Variants in ANKS6 observed in about 807,000 individuals in gnomAD.
The protein encoded by ANKS6 is ankyrin repeat and sterile alpha motif domain containing 6, also known as ankyrin repeat and SAM domain-containing protein 6.
ANKS6 carries 47 observed loss-of-function variants against 77.9 expected under a neutral mutation model. The ratio of observed to expected loss-of-function variants is 0.60; its 90% CI spans 0.48 to 0.77. ANKS6 has a LOEUF of 0.77. Among genes scored for constraint, ANKS6 ranks in the 30% least tolerant of loss-of-function variants. The pLI is 0.00. For missense variants in ANKS6, 1,150 were observed against 1,159.1 expected (o/e 0.99, Z 0.11); for synonymous variants, 488 against 501.7 (o/e 0.97, Z 0.37).
At chr9:98,743,213 C>T (rs1671462877) in intron 14 of ANKS6, among the ~76,000 whole-genome samples, 1 of 152,222 alleles carries the variant, frequency 6.6e-6, no homozygotes, top group Admixed American at 6.5e-5. Context: ...GCTCACACAT[C>T]TGGCCTCTGG....
chr9:98,793,084 C>T (rs1834990022), intron 1 of ANKS6, among the ~76,000 whole-genome samples: 1 of 152,238 alleles, frequency 6.6e-6, no homozygotes, highest in Non-Finnish European at 1.5e-5. Flanking sequence ...GTTTAAAGAG[C>T]TGGCACACAT....
chr9:98,792,692 TTAA>T (rs1834966790), intron 1 of ANKS6, among the ~76,000 whole-genome samples: 1 of 152,196 alleles, frequency 6.6e-6, no homozygotes, highest in African/African-American at 2.4e-5. Context: ...TCATTTGATC[TTAA>T]TAAACCCCGA....
Position 98,756,413 on chromosome 9 carries a change from G to A in ANKS6, c.2326+7C>T. ...TAGGTGGGGTTTCAGGCCCTCAGGG[G>A]ACTCACCCTCATCTGTGATGGTGCC... On this transcript the variant is annotated splice_region_variant and intron_variant, in intron 12 of 14. Coordinates refer to ENST00000353234, the MANE Select transcript of ANKS6 (RefSeq NM_173551.5). 6.2e-7 allele frequency: 1 copy of A among 1,611,830 alleles called. No homozygotes were observed. The highest frequency in any genetic ancestry group is 8.5e-7 in the Non-Finnish European group (1 of 1,178,970).
intron 13 of ANKS6, among the ~76,000 whole-genome samples, chr9:98,749,488 CT>C (rs1454994934): frequency 6.6e-6 from 1 of 152,192 alleles, no homozygotes; most frequent in African/African-American, 2.4e-5. Context: ...ACAACAACCT[CT>C]GAACGATGAA....
intron 1 of ANKS6, among the ~76,000 whole-genome samples, chr9:98,794,826 C>A (rs1041860533): frequency 2.6e-5 from 4 of 152,136 alleles, no homozygotes; most frequent in South Asian, 4.2e-4. Context: ...TGGGGAGCCT[C>A]TTCTCACACA....
At position 98,774,088 on chromosome 9, in the gene ANKS6, A is replaced by G; in HGVS notation, c.1618-8T>C. ...GGGAGCTCCGTTTCGAAGCTGAAAA[A>G]GACAGGCTGAGGGTTAGACAAGCCC... On this transcript the variant is annotated splice_region_variant and splice_polypyrimidine_tract_variant and intron_variant, in intron 8 of 14. Transcript: ENST00000353234. The G allele has an allele frequency of 2.1e-6, 3 of 1,460,996 alleles. No homozygotes were observed. Among genetic ancestry groups the G allele is most frequent in the South Asian group, 2.9e-5 (2 of 68,468 alleles). 90.5% of individuals were successfully genotyped at this position (1,460,996 alleles called of 1,614,324 possible).
chr9:98,732,465 C>G lies in ANKS6; in HGVS notation c.*4054G>C. 6.5e-7 allele frequency: 1 copy of G among 1,548,866 alleles called. No homozygotes were observed. Among genetic ancestry groups the G allele is most frequent in the Non-Finnish European group, 8.7e-7 (1 of 1,145,664 alleles). On this transcript the variant is annotated 3_prime_UTR_variant, in exon 15 of 15. Coordinates refer to ENST00000353234, the MANE Select transcript of ANKS6 (RefSeq NM_173551.5). ...CAGGTCCATCGGCCACTCCTCACTTCTGTGGGCTCCGATGCCAGCAGAGCC... is the reference window on the plus strand; with the variant it reads ...CAGGTCCATCGGCCACTCCTCACTTGTGTGGGCTCCGATGCCAGCAGAGCC...
At chr9:98,771,108 T>C in intron 9 of ANKS6, 62 bp from the exon 10 acceptor site, 1 of 1,425,672 alleles carries the variant, frequency 7.0e-7, no homozygotes, top group South Asian at 1.7e-5. Context: ...CCGTGCAGGA[T>C]CACAGTGTGG....
chr9:98,732,989 G>A lies in ANKS6; in HGVS notation c.*3530C>T, dbSNP rs758813154. 1.3e-4 allele frequency: 129 copies of A among 991,374 alleles called. No homozygotes were observed. Among genetic ancestry groups the A allele is most frequent in the Non-Finnish European group, 1.5e-4 (124 of 824,542 alleles). The allele number at this position is 991,374 out of a possible 1,614,324, so 61.4% of individuals were successfully genotyped here. On this transcript the variant is annotated 3_prime_UTR_variant, in exon 15 of 15. Coordinates refer to ENST00000353234, the MANE Select transcript of ANKS6 (RefSeq NM_173551.5). ...CCCCACTCCATCTCTCTCCTCTGGG[G>A]CGTGCCCAGGCTGAGCCTGAGCCAT...
intron 3 of ANKS6, chr9:98,784,461 T>C (rs1278716171): frequency 7.4e-6 from 3 of 403,880 alleles, no homozygotes; most frequent in East Asian, 4.0e-5. Flanking sequence ...CAGGTCTCGC[T>C]GCGGGGTGAG....
intron 9 of ANKS6, among the ~76,000 whole-genome samples, chr9:98,772,354 G>A (rs527694288): frequency 4.7e-4 from 72 of 152,352 alleles, no homozygotes; most frequent in African/African-American, 1.6e-3. Flanking sequence ...ATCAAGAGAA[G>A]CTGTCAGAGG....
At chr9:98,755,710 G>A (rs1022037229) in intron 12 of ANKS6, among the ~76,000 whole-genome samples, 1 of 152,140 alleles carries the variant, frequency 6.6e-6, no homozygotes, top group Non-Finnish European at 1.5e-5. Context: ...CCCCAACTCC[G>A]CTCCAAAGCA....
intron 11 of ANKS6, among the ~76,000 whole-genome samples, chr9:98,766,136 A>G (rs1166352664): frequency 6.6e-6 from 1 of 152,182 alleles, no homozygotes; most frequent in East Asian, 1.9e-4. Flanking sequence ...ACATACTATT[A>G]ACATTATGTT....
Position 98,796,151 on chromosome 9 carries a change from G to A in ANKS6, c.341C>T (p.Ala114Val), listed in dbSNP as rs1835163474. Residue 114 changes from alanine (A) to valine (V), a missense_variant, in exon 1 of 15, where the codon GCG (alanine) becomes GTG (valine). Transcript: ENST00000353234. Reference protein sequence around the residue: ...VNSRNHYGWSALMQAARFGHV... With the variant: ...VNSRNHYGWSVLMQAARFGHV... ...GCCTCACCTGGCCGCCTGCATGAGC[G>A]CGCTCCAGCCGTAGTGGTTGCGGCT... The A allele has an allele frequency of 1.4e-6, 2 of 1,395,636 alleles. No individual in the cohort carries two copies. Among genetic ancestry groups the A allele is most frequent in the East Asian group, 3.1e-5 (1 of 32,426 alleles). The allele number at this position is 1,395,636 out of a possible 1,614,324, so 86.5% of individuals were successfully genotyped here.
chr9:98,789,533 G>A (rs982006340), intron 2 of ANKS6, among the ~76,000 whole-genome samples: 5 of 152,000 alleles, frequency 3.3e-5, no homozygotes, highest in Admixed American at 6.6e-5. Context: ...GGGCAGAGGA[G>A]GTCAGGCACA....
At chr9:98,743,433 C>T (rs1380638958) in intron 14 of ANKS6, among the ~76,000 whole-genome samples, 2 of 152,194 alleles carry the variant, frequency 1.3e-5, no homozygotes, top group Non-Finnish European at 2.9e-5. Flanking sequence ...TCTTTAAACA[C>T]ACTGCACACC....
At chr9:98,788,218 C>T (rs182397878) in intron 2 of ANKS6, among the ~76,000 whole-genome samples, 6 of 152,302 alleles carry the variant, frequency 3.9e-5, no homozygotes, top group Non-Finnish European at 5.9e-5. Flanking sequence ...GAGGGCACTC[C>T]GTGAAGATTC....
At chr9:98,794,398 G>T (rs867471290) in intron 1 of ANKS6, among the ~76,000 whole-genome samples, 7 of 152,150 alleles carry the variant, frequency 4.6e-5, no homozygotes, top group African/African-American at 1.7e-4. Flanking sequence ...TCAGCACACA[G>T]GCCATTCATT....
chr9:98,753,694 A>G (rs1017617709), intron 12 of ANKS6, among the ~76,000 whole-genome samples: 1 of 152,070 alleles, frequency 6.6e-6, no homozygotes, highest in East Asian at 1.9e-4. Context: ...ATCATAGCCA[A>G]TTTCAACCTA....
Sources: gnomAD v4.1 joint callset for allele counts (sites outside exome capture counted in the v4.1 genomes callset) on GRCh38, gnomAD v4.1.1 for gene constraint, MANE v1.5 for transcripts, NCBI Gene and HGNC (gene_info 2026-07-23, HGNC 2026-07-21) for gene names.